The following MRTFB variants were observed in gnomAD, a reference collection of about 807,000 sequenced individuals.
The protein encoded by MRTFB is myocardin related transcription factor B.
In MRTFB, 29 loss-of-function variants were observed where a neutral mutation model predicts 104.2. That is an observed-to-expected ratio of 0.28 (90% CI 0.21 to 0.38). MRTFB has a LOEUF of 0.38. Ranked by LOEUF, MRTFB falls within the 10% of genes least tolerant of loss-of-function variation. The pLI, the probability that MRTFB is intolerant of heterozygous loss-of-function variation, is 1.00. For missense variants in MRTFB, 1,270 were observed against 1,341.6 expected, an observed-to-expected ratio of 0.95 and a Z score of 0.83; for synonymous variants, 535 against 519.5, an observed-to-expected ratio of 1.03 and a Z score of -0.41.
At chr16:14,081,143 T>C (rs754225817) in intron 2 of MRTFB, among the ~76,000 whole-genome samples, 5 of 152,218 alleles carry the variant, frequency 3.3e-5, no homozygotes, top group Non-Finnish European at 7.3e-5. Flanking sequence ...TCTTTGTCTC[T>C]ACATTTTTGC....
intron 2 of MRTFB, among the ~76,000 whole-genome samples, chr16:14,091,139 C>A (rs1344236415): frequency 6.6e-6 from 1 of 152,088 alleles, no homozygotes; most frequent in Admixed American, 6.5e-5. Context: ...GGTCTAGAGA[C>A]AGGCAACCCA....
At chr16:14,203,407 T>C (rs1337129190) in intron 3 of MRTFB, among the ~76,000 whole-genome samples, 1 of 152,180 alleles carries the variant, frequency 6.6e-6, no homozygotes, top group African/African-American at 2.4e-5. Context: ...TATGTCCCAC[T>C]GAAAACTCAG....
rs987047556 is a variant in MRTFB, at chr16:14,125,142, G to T, written c.-63-15402G>T. Reference sequence around the variant, plus strand: ...TAGTGCAGTAATAATGGTTCTGATTGCTTGCTGTCCGGTGTGCTAAAGAGA... The same window carrying T: ...TAGTGCAGTAATAATGGTTCTGATTTCTTGCTGTCCGGTGTGCTAAAGAGA... On this transcript the variant is annotated intron_variant, in intron 2 of 16. Coordinates refer to ENST00000571589, the MANE Select transcript of MRTFB (RefSeq NM_001308142.2). Among the ~76,000 whole-genome samples the T allele has an allele frequency of 2.0e-5, 3 of 152,204 alleles. No individual in the cohort carries two copies. The East Asian group carries it at 5.8e-4, about 29-fold the overall frequency.
At chr16:14,094,192 G>A (rs2035237676) in intron 2 of MRTFB, among the ~76,000 whole-genome samples, 2 of 152,272 alleles carry the variant, frequency 1.3e-5, no homozygotes, top group East Asian at 3.9e-4. Flanking sequence ...AAGATGACAA[G>A]ATTGCTTTCA....
chr16:14,022,336 G>T, the MRTFB span, among the ~76,000 whole-genome samples: 1 of 152,134 alleles, frequency 6.6e-6, no homozygotes, highest in East Asian at 1.9e-4. Context: ...TAGGAGCCAG[G>T]ACTTAACAAC....
At chr16:14,025,170 A>G in the MRTFB span, among the ~76,000 whole-genome samples, 1 of 152,182 alleles carries the variant, frequency 6.6e-6, no homozygotes, top group African/African-American at 2.4e-5. Flanking sequence ...CAGCCATAAG[A>G]AGGATGAAAT....
intron 3 of MRTFB, among the ~76,000 whole-genome samples, chr16:14,197,219 C>T (rs934047724): frequency 2.6e-5 from 4 of 152,094 alleles, no homozygotes; most frequent in African/African-American, 9.7e-5. Flanking sequence ...AGTGATCCGC[C>T]TGCCTAAGCC....
At chr16:14,117,370 A>G (rs2036595955) in intron 2 of MRTFB, among the ~76,000 whole-genome samples, 1 of 152,346 alleles carries the variant, frequency 6.6e-6, no homozygotes. Context: ...CTTTCCTGGC[A>G]CATTCCTACT....
chr16:14,043,047 C>T, the MRTFB span, among the ~76,000 whole-genome samples: 2 of 152,180 alleles, frequency 1.3e-5, no homozygotes, highest in African/African-American at 4.8e-5. Context: ...CGCAAAGGAA[C>T]GGGTCCTCTG....
chr16:14,132,160 A>G (rs2037472505), intron 2 of MRTFB, among the ~76,000 whole-genome samples: 1 of 152,208 alleles, frequency 6.6e-6, no homozygotes, highest in African/African-American at 2.4e-5. Flanking sequence ...ATGTTAAGTG[A>G]AAGAAAATAC....
At chr16:14,079,837 A>G in intron 2 of MRTFB, among the ~76,000 whole-genome samples, 1 of 152,226 alleles carries the variant, frequency 6.6e-6, no homozygotes, top group Middle Eastern at 3.2e-3. Flanking sequence ...TCTACCACCA[A>G]GAAATGACTG....
At chr16:14,253,275 G>A (rs536879030) in intron 15 of MRTFB, among the ~76,000 whole-genome samples, 4 of 152,234 alleles carry the variant, frequency 2.6e-5, no homozygotes, top group African/African-American at 9.6e-5. Flanking sequence ...ACCTTTGAGG[G>A]AAGAACCCCA....
Position 14,252,755 on chromosome 16 carries a change from T to TC in MRTFB, c.2703+253_2703+254insC, listed in dbSNP as rs1435777384. On this transcript the variant is annotated intron_variant, in intron 15 of 16. Transcript: ENST00000571589. ...TAAGGGTTTATCTCTTAACTTTTCTTTTGGGGTAGGGGCATCAGTCATGTT... is the reference window on the plus strand; with the variant it reads ...TAAGGGTTTATCTCTTAACTTTTCTTCTTGGGGTAGGGGCATCAGTCATGTT... Among the ~76,000 whole-genome samples the TC allele has an allele frequency of 3.9e-5, 6 of 152,328 alleles. No individual in the cohort carries two copies. In the South Asian group the frequency reaches 8.3e-4, roughly 21 times the overall value.
chr16:14,216,067 G>T (rs531943493), intron 6 of MRTFB, among the ~76,000 whole-genome samples: 1 of 152,168 alleles, frequency 6.6e-6, no homozygotes, highest in Non-Finnish European at 1.5e-5. Context: ...CGCAATAGCG[G>T]TCACAACAGA....
the MRTFB span, among the ~76,000 whole-genome samples, chr16:14,021,670 C>G: frequency 4.1e-4 from 63 of 152,272 alleles, no homozygotes; most frequent in East Asian, 5.4e-3. Context: ...TGAGAACATA[C>G]AATGTTTGGT....
At chr16:14,053,729 C>CAAA in the MRTFB span, among the ~76,000 whole-genome samples, 2 of 97,534 alleles carry the variant, frequency 2.1e-5, no homozygotes, top group South Asian at 3.3e-4. Flanking sequence ...GACTCCATCT[C>CAAA]AAAAAAAAAA....
intron 8 of MRTFB, among the ~76,000 whole-genome samples, chr16:14,232,998 T>C (rs2042333507): frequency 6.6e-6 from 1 of 152,228 alleles, no homozygotes; most frequent in Non-Finnish European, 1.5e-5. Context: ...TAAGTCCAAG[T>C]AGTAATCAAT....
At chr16:14,111,912 C>T (rs1393975511) in intron 2 of MRTFB, among the ~76,000 whole-genome samples, 1 of 152,200 alleles carries the variant, frequency 6.6e-6, no homozygotes, top group Non-Finnish European at 1.5e-5. Context: ...TGTGCTTGTG[C>T]TCAGCTGTCC....
the MRTFB span, chr16:14,013,191 G>A: frequency 6.6e-6 from 1 of 152,356 alleles, no homozygotes; most frequent in African/African-American, 2.4e-5. Context: ...GTGGGAGGCA[G>A]AGATACCGAG....
Sources: gnomAD v4.1 joint callset for allele counts (sites outside exome capture counted in the v4.1 genomes callset) on GRCh38, gnomAD v4.1.1 for gene constraint, MANE v1.5 for transcripts, NCBI Gene and HGNC (gene_info 2026-07-23, HGNC 2026-07-21) for gene names.